CIMIP5: variants seen among roughly 807,000 people sequenced by gnomAD.
CIMIP5 encodes the protein uncharacterized protein C2orf50.
At chr2:11,145,931 A>C in the CIMIP5 span, 1 of 152,252 alleles carries the variant, frequency 6.6e-6, no homozygotes, top group Admixed American at 6.5e-5. Flanking sequence ...TTATTTTCTC[A>C]ACAACCCAAG....
chr2:11,148,798 C>T, the CIMIP5 span, among the ~76,000 whole-genome samples: 2 of 132,746 alleles, frequency 1.5e-5, no homozygotes, highest in East Asian at 2.2e-4. Flanking sequence ...TGCGATAGTG[C>T]GATCTCGCTC....
At chr2:11,150,879 A>C in the CIMIP5 span, among the ~76,000 whole-genome samples, 1 of 152,052 alleles carries the variant, frequency 6.6e-6, no homozygotes, top group East Asian at 1.9e-4. Flanking sequence ...GAATTAAAAA[A>C]AAAAACAAAA....
the CIMIP5 span, chr2:11,145,197 C>T: frequency 1.3e-5 from 2 of 152,120 alleles, no homozygotes; most frequent in African/African-American, 4.8e-5. Flanking sequence ...GTTGGTCAGG[C>T]TGGTCTGAAA....
the CIMIP5 span, among the ~76,000 whole-genome samples, chr2:11,149,025 C>A: frequency 6.6e-6 from 1 of 151,910 alleles, no homozygotes; most frequent in African/African-American, 2.4e-5. Flanking sequence ...TGAGCCACTG[C>A]GCCTGGCCAT....
the CIMIP5 span, among the ~76,000 whole-genome samples, chr2:11,151,452 G>A: frequency 9.3e-4 from 142 of 152,300 alleles, 1 homozygote; most frequent in African/African-American, 3.2e-3. Flanking sequence ...ATGTTCCCAC[G>A]TGAAGGTGTA....
the CIMIP5 span, among the ~76,000 whole-genome samples, chr2:11,143,629 G>A: frequency 6.6e-6 from 1 of 152,066 alleles, no homozygotes; most frequent in African/African-American, 2.4e-5. Context: ...TAGTCCTGGG[G>A]ATAGAAAGGG....
chr2:11,144,100 C>G, the CIMIP5 span: 31 of 1,591,550 alleles, frequency 1.9e-5, 1 homozygote, highest in Admixed American at 3.8e-4. Flanking sequence ...GGACCAGATG[C>G]AGCCCATCTA....
chr2:11,153,817 G>C, the CIMIP5 span, among the ~76,000 whole-genome samples: 1 of 151,632 alleles, frequency 6.6e-6, no homozygotes, highest in Non-Finnish European at 1.5e-5. Context: ...CCAGCTACTT[G>C]GGAGGCAGAG....
chr2:11,144,384 T>A, the CIMIP5 span: 1 of 259,068 alleles, frequency 3.9e-6, no homozygotes, highest in Admixed American at 5.5e-5. Flanking sequence ...GGACCCTGCA[T>A]TGTGGTCAGG....
the CIMIP5 span, among the ~76,000 whole-genome samples, chr2:11,147,219 A>G: frequency 2.6e-5 from 4 of 152,148 alleles, no homozygotes; most frequent in Non-Finnish European, 5.9e-5. Flanking sequence ...CGAACACTTC[A>G]TTCAATCTGG....
the CIMIP5 span, chr2:11,133,391 G>A: frequency 1.9e-6 from 3 of 1,612,148 alleles, no homozygotes; most frequent in Non-Finnish European, 2.5e-6. Flanking sequence ...GGTACCGATT[G>A]CCCCCCACCA....
the CIMIP5 span, among the ~76,000 whole-genome samples, chr2:11,153,183 G>A: frequency 1.3e-5 from 2 of 152,202 alleles, no homozygotes; most frequent in African/African-American, 4.8e-5. Context: ...AGTAGCCAGG[G>A]AGGGGTCTAG....
the CIMIP5 span, chr2:11,144,193 TC>T: frequency 7.9e-7 from 1 of 1,270,336 alleles, no homozygotes; most frequent in Non-Finnish European, 1.1e-6. Context: ...ACCAGTCAGC[TC>T]CCCACACAAG....
the CIMIP5 span, among the ~76,000 whole-genome samples, chr2:11,142,338 G>C: frequency 6.6e-6 from 1 of 151,976 alleles, no homozygotes. Flanking sequence ...AGTCACTCGA[G>C]GGGGTGGCCA....
the CIMIP5 span, among the ~76,000 whole-genome samples, chr2:11,134,564 G>A: frequency 6.6e-6 from 1 of 152,290 alleles, no homozygotes; most frequent in South Asian, 2.1e-4. Flanking sequence ...CATAGAAGTG[G>A]AATTGTGCAA....
chr2:11,140,642 T>C, the CIMIP5 span: 1 of 966,892 alleles, frequency 1.0e-6, no homozygotes. Flanking sequence ...AGATCTACTC[T>C]ACACCAGATA....
chr2:11,143,765 C>G, the CIMIP5 span, among the ~76,000 whole-genome samples: 2 of 152,056 alleles, frequency 1.3e-5, no homozygotes, highest in East Asian at 1.9e-4. Context: ...GCTGTGGCAT[C>G]GGGTCACTCT....
At chr2:11,154,165 C>T in the CIMIP5 span, among the ~76,000 whole-genome samples, 2 of 151,928 alleles carry the variant, frequency 1.3e-5, no homozygotes, top group African/African-American at 4.8e-5. Flanking sequence ...TTAGTAGAGG[C>T]GGGGGTTTCC....
the CIMIP5 span, among the ~76,000 whole-genome samples, chr2:11,148,761 G>C: frequency 2.3e-5 from 2 of 87,856 alleles, no homozygotes; most frequent in Non-Finnish European, 1.7e-5. Context: ...TTGAGATGAA[G>C]TCTCGCTCTC....
Sources: allele counts gnomAD v4.1 joint callset (sites outside exome capture counted in the v4.1 genomes callset), GRCh38; gene constraint gnomAD v4.1.1; transcripts MANE v1.5; gene names NCBI Gene and HGNC (gene_info 2026-07-23, HGNC 2026-07-21).